The following RIMS2 variants were observed in gnomAD, a reference collection of about 807,000 sequenced individuals.
RIMS2 encodes regulating synaptic membrane exocytosis 2, also known as regulating synaptic membrane exocytosis protein 2.
Under a neutral mutation model 174.4 loss-of-function variants are expected in RIMS2, and 59 were observed. The ratio of observed to expected loss-of-function variants is 0.34; its 90% CI spans 0.27 to 0.42. RIMS2 has a LOEUF of 0.42. RIMS2 is among the 10% of genes least tolerant of loss of function. The probability of loss-of-function intolerance (pLI) is 1.00; values close to 1 mark genes in which losing one functional copy is unlikely to be tolerated. For synonymous variants in RIMS2, 606 were observed against 572.5 expected, an observed-to-expected ratio of 1.06 and a Z score of -0.84; for missense variants, 1,620 against 1,666.3, an observed-to-expected ratio of 0.97 and a Z score of 0.48.
intron 13 of RIMS2, among the ~76,000 whole-genome samples, chr8:103,942,369 C>A (rs2082734704): frequency 6.6e-6 from 1 of 151,950 alleles, no homozygotes; most frequent in Non-Finnish European, 1.5e-5. Flanking sequence ...TGTATATGTA[C>A]CATATTTTCT....
At chr8:104,056,276 T>G (rs928470476) in intron 19 of RIMS2, among the ~76,000 whole-genome samples, 4 of 151,802 alleles carry the variant, frequency 2.6e-5, no homozygotes, top group Non-Finnish European at 4.4e-5. Context: ...TGGTGGCTCG[T>G]GTCTGTAGTC....
chr8:104,089,849 T>C (rs1198952607), intron 19 of RIMS2, among the ~76,000 whole-genome samples: 1 of 151,778 alleles, frequency 6.6e-6, no homozygotes, highest in Non-Finnish European at 1.5e-5. Flanking sequence ...TATATTATTT[T>C]GAATATATTT....
chr8:103,705,652 TAC>T (rs1441907946), intron 2 of RIMS2, among the ~76,000 whole-genome samples: 12 of 152,190 alleles, frequency 7.9e-5, no homozygotes, highest in Admixed American at 3.3e-4. Context: ...CATATAGATT[TAC>T]AGTTTTTATA....
At chr8:103,669,815 A>G (rs1257268529) in intron 1 of RIMS2, among the ~76,000 whole-genome samples, 1 of 152,186 alleles carries the variant, frequency 6.6e-6, no homozygotes, top group African/African-American at 2.4e-5. Flanking sequence ...GGCTGCTTTC[A>G]TGGGCTGGCA....
intron 1 of RIMS2, among the ~76,000 whole-genome samples, chr8:103,571,052 T>TA (rs1283972097): frequency 6.6e-6 from 1 of 152,180 alleles, no homozygotes; most frequent in East Asian, 1.9e-4. Flanking sequence ...CTTGTCTGTA[T>TA]AAATTCTCAC....
At chr8:103,679,477 A>C (rs1250465269) in intron 1 of RIMS2, among the ~76,000 whole-genome samples, 1 of 152,020 alleles carries the variant, frequency 6.6e-6, no homozygotes, top group Non-Finnish European at 1.5e-5. Context: ...AAAAAGGAGT[A>C]ATAGAGGTAG....
At chr8:103,705,779 C>T (rs961338396) in intron 2 of RIMS2, among the ~76,000 whole-genome samples, 1 of 150,732 alleles carries the variant, frequency 6.6e-6, no homozygotes, top group African/African-American at 2.4e-5. Flanking sequence ...ATATCTTTTC[C>T]ATGCATGTAT....
chr8:103,690,113 A>G (rs898678596), intron 1 of RIMS2, among the ~76,000 whole-genome samples: 2 of 152,018 alleles, frequency 1.3e-5, no homozygotes, highest in African/African-American at 4.8e-5. Context: ...GGCATGCACC[A>G]TGATGCCCAG....
intron 2 of RIMS2, among the ~76,000 whole-genome samples, chr8:103,753,696 AT>A (rs2097926918): frequency 6.6e-6 from 1 of 151,806 alleles, no homozygotes; most frequent in Non-Finnish European, 1.5e-5. Flanking sequence ...TTTCTTCTTG[AT>A]TTTCTAATGT....
chr8:103,647,269 A>C (rs1174036839), intron 1 of RIMS2, among the ~76,000 whole-genome samples: 1 of 152,064 alleles, frequency 6.6e-6, no homozygotes, highest in East Asian at 1.9e-4. Context: ...TTTTTGCATC[A>C]GTGTTCATCA....
chr8:103,602,250 G>A (rs532502701), intron 1 of RIMS2, among the ~76,000 whole-genome samples: 3 of 152,118 alleles, frequency 2.0e-5, no homozygotes, highest in Non-Finnish European at 2.9e-5. Flanking sequence ...GCCTCCCAAA[G>A]TACTGGGATT....
chr8:103,898,113 TAAA>T (rs774935316), intron 4 of RIMS2, among the ~76,000 whole-genome samples: 5 of 151,844 alleles, frequency 3.3e-5, no homozygotes, highest in Non-Finnish European at 7.4e-5. Context: ...ACTAGGTCTC[TAAA>T]AATTTCTCTG....
At chr8:103,660,588 T>TAAAAACAAAAAC (rs71575980) in intron 1 of RIMS2, among the ~76,000 whole-genome samples, 33 of 151,656 alleles carry the variant, frequency 2.2e-4, no homozygotes, top group African/African-American at 8.0e-4. Flanking sequence ...GCTTCGTGGA[T>TAAAAACAAAAAC]AAAAACAAAA....
At chr8:104,060,800 T>G (rs1475723707) in intron 19 of RIMS2, among the ~76,000 whole-genome samples, 1 of 152,194 alleles carries the variant, frequency 6.6e-6, no homozygotes, top group Non-Finnish European at 1.5e-5. Context: ...AAAGAACATC[T>G]TTATTTCTGC....
chr8:103,949,124 CAAAAA>C (rs533642917), intron 14 of RIMS2, among the ~76,000 whole-genome samples: 4 of 44,098 alleles, frequency 9.1e-5, no homozygotes, highest in Admixed American at 3.4e-4. Context: ...GAGACTCTGT[CAAAAA>C]AAAAAAAAAA....
chr8:103,933,537 C>A (rs918388614), intron 12 of RIMS2, among the ~76,000 whole-genome samples: 1 of 152,084 alleles, frequency 6.6e-6, no homozygotes, highest in Non-Finnish European at 1.5e-5. Flanking sequence ...CTTAACCAGT[C>A]CTTTATATTC....
intron 19 of RIMS2, chr8:104,068,563 A>G (rs776400260): frequency 1.3e-6 from 2 of 1,574,650 alleles, no homozygotes; most frequent in South Asian, 2.3e-5. Context: ...AACAAATACA[A>G]ACAGGTAGCC....
intron 1 of RIMS2, among the ~76,000 whole-genome samples, chr8:103,563,960 C>T (rs2091993606): frequency 6.6e-6 from 1 of 152,134 alleles, no homozygotes; most frequent in Non-Finnish European, 1.5e-5. Context: ...AAAGACCTGC[C>T]CTCATGATTC....
chr8:103,789,896 G>A (rs2098481401), intron 3 of RIMS2, among the ~76,000 whole-genome samples: 1 of 151,766 alleles, frequency 6.6e-6, no homozygotes, highest in African/African-American at 2.4e-5. Context: ...GGGACTACAA[G>A]TGTGTGCTAC....
Sources: gnomAD v4.1 joint callset for allele counts (sites outside exome capture counted in the v4.1 genomes callset) on GRCh38, gnomAD v4.1.1 for gene constraint, MANE v1.5 for transcripts, NCBI Gene and HGNC (gene_info 2026-07-23, HGNC 2026-07-21) for gene names.